Variants in DOCK7 observed in about 807,000 individuals in gnomAD.
DOCK7 encodes the protein dedicator of cytokinesis 7.
A neutral mutation model predicts 271.0 loss-of-function variants in DOCK7; 138 were observed. The observed-to-expected ratio is 0.51, with a 90% CI of 0.44 to 0.59. DOCK7 has a LOEUF of 0.59. Among genes scored for constraint, DOCK7 ranks in the 20% least tolerant of loss-of-function variants. The pLI is 0.00. For synonymous variants in DOCK7, 823 were observed against 876.1 expected (o/e 0.94, Z 1.07); for missense variants, 2,066 against 2,592.4 (o/e 0.80, Z 4.41).
chr1:62,634,650 A>G (rs1655031965), intron 9 of DOCK7, 123 bp downstream of exon 9: 2 of 1,043,900 alleles, frequency 1.9e-6, no homozygotes, highest in East Asian at 4.8e-5. Context: ...ATATTGTGTT[A>G]AAGAATATCA....
intron 14 of DOCK7, chr1:62,609,655 A>G (rs958082513): frequency 6.6e-5 from 10 of 152,146 alleles, no homozygotes; most frequent in African/African-American, 2.4e-4. Context: ...AACTGAACAT[A>G]TTATAATTCT....
At chr1:62,633,445 T>C in intron 10 of DOCK7, 53 bp downstream of exon 10, 1 of 1,354,130 alleles carries the variant, frequency 7.4e-7, no homozygotes, top group Non-Finnish European at 1.0e-6. Flanking sequence ...AATAGTATTC[T>C]CCCAAGTTAC....
chr1:62,533,050 T>C (rs1645226874), intron 29 of DOCK7, among the ~76,000 whole-genome samples: 2 of 152,208 alleles, frequency 1.3e-5, no homozygotes, highest in African/African-American at 4.8e-5. Flanking sequence ...ACTGAGCTGA[T>C]GATATTACTG....
At chr1:62,492,477 G>A (rs1385946889) in intron 41 of DOCK7, 4 of 432,908 alleles carry the variant, frequency 9.2e-6, no homozygotes, top group South Asian at 2.6e-5. Context: ...TTGTAGAGAC[G>A]GTATCTCACT....
Position 62,606,380 on chromosome 1 carries a change from C to T in DOCK7, c.1682+12326G>A, listed in dbSNP as rs1389491853. 3.3e-5 allele frequency among the ~76,000 whole-genome samples: 5 copies of T among 150,608 alleles called. No homozygotes were observed. The South Asian group carries it at 6.3e-4, about 19-fold the overall frequency. The stretch of plus-strand genomic sequence containing the variant: ...TTCCTTTCAGGAGTAGTAAATTAGA[C>T]GTTTTCCCCATATAAAGCTTTTTTC... On this transcript the variant is annotated intron_variant, in intron 14 of 49. Transcript: ENST00000635253.
intron 21 of DOCK7, among the ~76,000 whole-genome samples, chr1:62,554,046 T>C (rs1332892629): frequency 6.6e-6 from 1 of 152,218 alleles, no homozygotes; most frequent in Non-Finnish European, 1.5e-5. Flanking sequence ...CTACCTTCAT[T>C]ACTGCTAACA....
intron 11 of DOCK7, chr1:62,628,888 T>C (rs951157757): frequency 6.6e-6 from 1 of 152,002 alleles, no homozygotes; most frequent in Non-Finnish European, 1.5e-5. Flanking sequence ...TATTAATAAA[T>C]AATAAAAAGA....
At position 62,487,421 on chromosome 1, in the gene DOCK7, T is replaced by C. The variant is rs780396478; in HGVS notation, c.5494-9A>G. The C allele has an allele frequency of 2.5e-6, 4 of 1,610,108 alleles. No homozygotes were observed. The highest frequency in any genetic ancestry group is 2.2e-5 in the South Asian group (2 of 90,812). Reference sequence around the variant, plus strand: ...ACCTCCCAGCCAGTACTCTGTATAATAAAAAGTAAAAAAGGGCAAGTCATA... The same window carrying C: ...ACCTCCCAGCCAGTACTCTGTATAACAAAAAGTAAAAAAGGGCAAGTCATA... On this transcript the variant is annotated splice_polypyrimidine_tract_variant and intron_variant, in intron 42 of 49. Transcript: ENST00000635253.
chr1:62,630,525 C>A (rs1654493614), intron 11 of DOCK7, among the ~76,000 whole-genome samples: 1 of 152,082 alleles, frequency 6.6e-6, no homozygotes, highest in African/African-American at 2.4e-5. Flanking sequence ...CACACACACC[C>A]ATGTTACCTT....
intron 1 of DOCK7, chr1:62,687,495 A>C (rs1483533625): frequency 6.6e-6 from 1 of 151,120 alleles, no homozygotes; most frequent in Non-Finnish European, 1.5e-5. Context: ...TGCTCTGAGA[A>C]ACACAGGCGC....
chr1:62,513,865 A>G lies in DOCK7; in HGVS notation c.3970T>C (p.Ser1324Pro). ...AGACAGATCAAAAGGCTTCGACTTG[A>G]TTCTGCTGAAAAGGTAGTGTGTTGC... ...GRQHTTFSAE[S>P]SRSLLICLLW... The change falls in exon 32 of 50, where the codon TCA becomes CCA. Residue 1324 changes from serine to proline, a missense_variant. Transcript: ENST00000635253. 4 of 1,614,008 alleles carry G rather than the reference A, an allele frequency of 2.5e-6. No homozygotes were observed. The highest frequency in any genetic ancestry group is 2.5e-6 in the Non-Finnish European group (3 of 1,179,938).
chr1:62,622,713 A>G (rs1481417600), intron 12 of DOCK7, among the ~76,000 whole-genome samples: 1 of 152,132 alleles, frequency 6.6e-6, no homozygotes, highest in Non-Finnish European at 1.5e-5. Flanking sequence ...GACGGATCAC[A>G]AGGTTAGGAG....
intron 14 of DOCK7, chr1:62,602,293 T>C (rs776441268): frequency 9.1e-5 from 147 of 1,607,846 alleles, no homozygotes; most frequent in Non-Finnish European, 1.2e-4. Flanking sequence ...AGGTAGTCCA[T>C]GGACATTAAT....
chr1:62,633,890 T>A (rs1654927205), intron 9 of DOCK7: 1 of 213,194 alleles, frequency 4.7e-6, no homozygotes, highest in Non-Finnish European at 9.2e-6. Flanking sequence ...AATGCCCACA[T>A]TAGCCTCACC....
At chr1:62,482,313 ACT>A (rs1646150573) in intron 43 of DOCK7, 1 of 150,962 alleles carries the variant, frequency 6.6e-6, no homozygotes, top group South Asian at 2.1e-4. Flanking sequence ...GGGAAGTTAA[ACT>A]CTAATATATT....
intron 7 of DOCK7, among the ~76,000 whole-genome samples, chr1:62,646,811 T>C (rs370962254): frequency 2.6e-5 from 4 of 152,348 alleles, no homozygotes; most frequent in African/African-American, 9.6e-5. Context: ...GTTCTCAAGT[T>C]AGACAGTAAT....
intron 36 of DOCK7, 134 bp from the exon 37 acceptor site, chr1:62,504,916 T>G: frequency 1.9e-6 from 2 of 1,047,618 alleles, no homozygotes; most frequent in Non-Finnish European, 2.7e-6. Flanking sequence ...TATTAGCTAA[T>G]GGTTAATAGT....
At chr1:62,510,957 T>A (rs1302235186) in intron 33 of DOCK7, 2 of 321,116 alleles carry the variant, frequency 6.2e-6, no homozygotes, top group Non-Finnish European at 1.1e-5. Context: ...CCATGGCTTA[T>A]AAGGCCTTAC....
intron 19 of DOCK7, among the ~76,000 whole-genome samples, chr1:62,560,705 C>G (rs1646294734): frequency 6.6e-6 from 1 of 152,182 alleles, no homozygotes; most frequent in African/African-American, 2.4e-5. Flanking sequence ...TGCTACTCAT[C>G]ATCTGAGTTG....
Sources: allele counts gnomAD v4.1 joint callset (sites outside exome capture counted in the v4.1 genomes callset), GRCh38; gene constraint gnomAD v4.1.1; transcripts MANE v1.5; gene names NCBI Gene and HGNC (gene_info 2026-07-23, HGNC 2026-07-21).